Variants in KCNN2 observed in about 807,000 individuals in gnomAD.
KCNN2 encodes potassium calcium-activated channel subfamily N member 2, also known as small conductance calcium-activated potassium channel protein 2.
Under a neutral mutation model 55.5 loss-of-function variants are expected in KCNN2, and 24 were observed. The observed-to-expected ratio is 0.43, with a 90% CI of 0.31 to 0.61. The LOEUF (loss-of-function observed/expected upper bound fraction) is 0.61, where lower values mean the gene tolerates loss of function less well. Ranked by LOEUF, KCNN2 falls within the 20% of genes least tolerant of loss-of-function variation. The pLI is 0.08. For synonymous variants in KCNN2, 431 were observed against 336.1 expected, an observed-to-expected ratio of 1.28 and a Z score of -3.09; for missense variants, 754 against 853.6, an observed-to-expected ratio of 0.88 and a Z score of 1.45.
At chr5:114,295,300 A>G (rs1298735227) in intron 2 of KCNN2, among the ~76,000 whole-genome samples, 3 of 152,202 alleles carry the variant, frequency 2.0e-5, no homozygotes, top group Admixed American at 1.3e-4. Context: ...CTGCCCCCAG[A>G]GGTGGAGCCT....
chr5:114,379,660 ATATT>A lies in KCNN2; in HGVS notation c.1218+15663_1218+15666del, dbSNP rs1758052580. 2.2e-5 allele frequency among the ~76,000 whole-genome samples: 2 copies of A among 90,516 alleles called. 1 individual carries two copies. The highest frequency in any genetic ancestry group is 3.9e-5 in the Non-Finnish European group (2 of 51,242). The allele number at this position is 90,516 out of a possible 152,430, so 59.4% of individuals were successfully genotyped here. A position where few individuals can be genotyped will look rare whatever the true frequency, so the allele number is the denominator to read the frequency against. On this transcript the variant is annotated intron_variant, in intron 2 of 7. Transcript: ENST00000673685. ...TTGTAGAATATATTATATAACATAT[ATATT>A]TATAGAATATATTATATAACATATT...
At chr5:114,139,511 T>G (rs540190613) in intron 1 of KCNN2, among the ~76,000 whole-genome samples, 20 of 146,866 alleles carry the variant, frequency 1.4e-4, no homozygotes, top group African/African-American at 4.0e-4. Flanking sequence ...AATTCACATA[T>G]CATTTCTTAA....
At chr5:114,492,516 G>C (rs1270770675) in intron 6 of KCNN2, among the ~76,000 whole-genome samples, 1 of 151,516 alleles carries the variant, frequency 6.6e-6, no homozygotes, top group Non-Finnish European at 1.5e-5. Flanking sequence ...AATCTTTCTT[G>C]GTACATAGTA....
At chr5:114,357,523 C>T (rs1291093882), upstream of KCNN2, among the ~76,000 whole-genome samples, 1 of 126,862 alleles carries the variant, frequency 7.9e-6, no homozygotes, top group East Asian at 2.4e-4. Context: ...TTGTTCAGTT[C>T]CCACCTATGA....
intron 1 of KCNN2, among the ~76,000 whole-genome samples, chr5:114,125,543 C>A (rs7727358): frequency 0.017 from 2,622 of 152,254 alleles, 81 homozygotes; most frequent in African/African-American, 0.059. Context: ...TAAAAAAAAT[C>A]TATTCTCCCA....
chr5:114,448,733 G>A (rs1181830988), intron 3 of KCNN2, among the ~76,000 whole-genome samples: 1 of 152,178 alleles, frequency 6.6e-6, no homozygotes, highest in East Asian at 1.9e-4. Flanking sequence ...TAGAAACATA[G>A]CTTGAAACTG....
At chr5:114,080,477 A>G (rs1221460345) in intron 1 of KCNN2, among the ~76,000 whole-genome samples, 4 of 152,168 alleles carry the variant, frequency 2.6e-5, no homozygotes, top group Non-Finnish European at 4.4e-5. Context: ...TTTGGTAGAT[A>G]TAGGGCTATT....
intron 1 of KCNN2, among the ~76,000 whole-genome samples, chr5:114,147,153 GATCC>G (rs758788846): frequency 2.0e-5 from 3 of 152,100 alleles, no homozygotes; most frequent in Admixed American, 6.6e-5. Context: ...TTCATTACTG[GATCC>G]ATCAGTAAAA....
intron 6 of KCNN2, among the ~76,000 whole-genome samples, chr5:114,491,031 TAGCTAA>T (rs1364389835): frequency 1.3e-5 from 2 of 152,176 alleles, no homozygotes; most frequent in African/African-American, 4.8e-5. Flanking sequence ...CAAGTTCCGA[TAGCTAA>T]AGGAATTCCA....
rs570352249 is a variant in KCNN2 at position 114,212,376 on chromosome 5, C to T, written c.-270-9104C>T. On this transcript the variant is annotated intron_variant, in intron 1 of 10. Transcript: ENST00000512097. ...TAGAGATAAAGTAAATTAGTGGTTG[C>T]CTAGGGGTTGGGTGGAAATGTGTAG... is the stretch of plus-strand genomic sequence containing the variant. 2.6e-5 allele frequency among the ~76,000 whole-genome samples: 4 copies of T among 151,880 alleles called. No individual in the cohort carries two copies. In the East Asian group the frequency reaches 7.7e-4, roughly 29 times the overall value.
intron 1 of KCNN2, among the ~76,000 whole-genome samples, chr5:114,177,626 T>C (rs970426184): frequency 4.7e-4 from 17 of 36,116 alleles, no homozygotes; most frequent in Non-Finnish European, 6.2e-5. Context: ...TTAACATAGT[T>C]CCTGAAACAG....
upstream of KCNN2, among the ~76,000 whole-genome samples, chr5:114,357,217 C>G (rs1322843645): frequency 2.0e-5 from 3 of 150,924 alleles, no homozygotes; most frequent in African/African-American, 7.3e-5. Flanking sequence ...ATAGACAATA[C>G]TATAAAGAAG....
chr5:114,237,117 G>A (rs994550849), intron 2 of KCNN2, among the ~76,000 whole-genome samples: 2 of 152,030 alleles, frequency 1.3e-5, no homozygotes, highest in Non-Finnish European at 2.9e-5. Flanking sequence ...GGAATATCTG[G>A]ATCACAGGAG....
rs564986454 is a variant in KCNN2, at chr5:114,118,716, A to C, written c.-271+62216A>C. ...GCATCTAGAAATGTTTATTCTTGGC[A>C]TCCTGTGGCCCAGTCAGGTTGACAC... On this transcript the variant is annotated intron_variant, in intron 1 of 10. Transcript: ENST00000512097. 5.3e-5 allele frequency among the ~76,000 whole-genome samples: 8 copies of C among 152,238 alleles called. No homozygotes were observed. The South Asian group carries it at 8.3e-4, about 16-fold the overall frequency.
At chr5:114,132,953 AG>A (rs1256262206) in intron 1 of KCNN2, among the ~76,000 whole-genome samples, 4 of 152,230 alleles carry the variant, frequency 2.6e-5, no homozygotes, top group African/African-American at 9.6e-5. Flanking sequence ...ATGTATTAAC[AG>A]GGACCTTTTA....
chr5:114,056,048 C>G, upstream of KCNN2: 1 of 264,710 alleles, frequency 3.8e-6, no homozygotes, highest in Non-Finnish European at 7.1e-6. Flanking sequence ...CAGCCAAGGA[C>G]TCAAGAAGGA....
At chr5:114,146,372 C>T (rs1195739854) in intron 1 of KCNN2, among the ~76,000 whole-genome samples, 1 of 152,060 alleles carries the variant, frequency 6.6e-6, no homozygotes, top group Non-Finnish European at 1.5e-5. Context: ...ATAAGGAATA[C>T]CAGTAATATG....
At chr5:114,100,915 C>A (rs1751360740) in intron 1 of KCNN2, among the ~76,000 whole-genome samples, 2 of 151,862 alleles carry the variant, frequency 1.3e-5, no homozygotes, top group East Asian at 3.9e-4. Flanking sequence ...TCCATAGTTA[C>A]ATTACATTTT....
intron 1 of KCNN2, among the ~76,000 whole-genome samples, chr5:114,159,032 A>G (rs1752704610): frequency 6.6e-6 from 1 of 152,182 alleles, no homozygotes; most frequent in Admixed American, 6.5e-5. Flanking sequence ...CAGAACCTCC[A>G]ACACTATGTT....
Sources: gnomAD v4.1 joint callset for allele counts (sites outside exome capture counted in the v4.1 genomes callset) on GRCh38, gnomAD v4.1.1 for gene constraint, MANE v1.5 for transcripts, NCBI Gene and HGNC (gene_info 2026-07-23, HGNC 2026-07-21) for gene names.